ACOT11: variants seen among roughly 807,000 people sequenced by gnomAD.
ACOT11 encodes the protein acyl-coenzyme A thioesterase 11.
A neutral mutation model predicts 77.5 loss-of-function variants in ACOT11; 69 were observed. That is an observed-to-expected ratio of 0.89 (90% CI 0.73 to 1.09). The LOEUF is 1.09. Ranked by LOEUF, ACOT11 falls within the 50% of genes least tolerant of loss-of-function variation. ACOT11 has a pLI of 0.00. For missense variants in ACOT11, 766 were observed against 813.7 expected (o/e 0.94, Z 0.71); for synonymous variants, 279 against 313.0 (o/e 0.89, Z 1.15).
chr1:54,600,477 G>A (rs1380898109), intron 8 of ACOT11, among the ~76,000 whole-genome samples: 1 of 152,212 alleles, frequency 6.6e-6, no homozygotes, highest in Admixed American at 6.5e-5. Context: ...ACGGCTCGGA[G>A]TTCAAGACTA....
chr1:54,616,252 T>G (rs1569792207), intron 15 of ACOT11: 1 of 1,243,362 alleles, frequency 8.0e-7, no homozygotes, highest in East Asian at 2.4e-5. Flanking sequence ...GCATTACAAA[T>G]TACAGAACAT....
chr1:54,625,461 TG>T lies in ACOT11; in HGVS notation c.1630-5270del, dbSNP rs199928359. ...CGGACTCCAGGATCCAAATGCTAAC[TG>T]GGCCTCACCCAGATCCCTTCTGTAA... On this transcript the variant is annotated intron_variant, in intron 15 of 16. Coordinates refer to the ACOT11 transcript ENST00000371316. Among the ~76,000 whole-genome samples the T allele has an allele frequency of 9.5e-3, 1,446 of 152,270 alleles. 13 individuals carry two copies. The highest frequency in any genetic ancestry group is 0.026 in the South Asian group (127 of 4,818).
chr1:54,568,131 ACC>A (rs1653800550), intron 1 of ACOT11, among the ~76,000 whole-genome samples: 2 of 152,006 alleles, frequency 1.3e-5, no homozygotes, highest in Non-Finnish European at 2.9e-5. Flanking sequence ...CTTGTCCGCA[ACC>A]CTGCACAGTC....
intron 1 of ACOT11, among the ~76,000 whole-genome samples, chr1:54,572,590 G>T (rs1305744056): frequency 2.6e-5 from 4 of 152,204 alleles, no homozygotes; most frequent in African/African-American, 9.6e-5. Flanking sequence ...CACACGGAAA[G>T]GGCGGGTCAT....
chr1:54,610,830 C>G, downstream of ACOT11: 4 of 985,368 alleles, frequency 4.1e-6, no homozygotes, highest in Non-Finnish European at 3.6e-6. Context: ...TAGGTGGCTC[C>G]CATGGCAGGA....
chr1:54,582,567 C>T (rs12563381), intron 1 of ACOT11: 28,447 of 977,656 alleles, frequency 0.029, 650 homozygotes, highest in East Asian at 0.18. Context: ...GAACAGGAAA[C>T]GGGAGTGCAT....
Position 54,597,309 on chromosome 1 carries a change from G to A in ACOT11, c.658G>A (p.Val220Met), listed in dbSNP as rs1643899365. 6.2e-7 allele frequency: 1 copy of A among 1,613,858 alleles called. No homozygotes were observed. The highest frequency in any genetic ancestry group is 1.1e-5 in the South Asian group (1 of 91,082). Reference protein sequence around the residue: ...SRMVPAEKTRVESVELVLPPH... With the variant: ...SRMVPAEKTRMESVELVLPPH... ...CATGGTGCCGGCTGAGAAGACCCGT[G>A]TGGAGAGTGTGGAGCTGGTCCTGCC... Residue 220 changes from valine (V) to methionine (M), a missense_variant, in exon 7 of 16, where the codon GTG becomes ATG. Transcript: ENST00000343744.
chr1:54,597,515 T>C (rs1643903385), intron 7 of ACOT11, 100 bp downstream of exon 7: 2 of 1,407,752 alleles, frequency 1.4e-6, no homozygotes, highest in Admixed American at 5.0e-5. Flanking sequence ...GGGTTGGCAT[T>C]CAAGGCTTCA....
chr1:54,594,146 G>A (rs879381420), intron 5 of ACOT11, 107 bp downstream of exon 5: 24 of 968,592 alleles, frequency 2.5e-5, no homozygotes, highest in African/African-American at 3.3e-5. Context: ...AGGGGATGGG[G>A]AGGGACACAG....
At chr1:54,616,311 A>G (rs1644172741) in intron 15 of ACOT11, 1 of 757,230 alleles carries the variant, frequency 1.3e-6, no homozygotes, top group Non-Finnish European at 2.1e-6. Context: ...CCACACTTCC[A>G]TCATAGTTTC....
chr1:54,601,265 T>A lies in ACOT11; in HGVS notation c.885-4T>A, dbSNP rs1383757865. 1 of 1,609,566 alleles carries A rather than the reference T, an allele frequency of 6.2e-7. No individual in the cohort carries two copies. Among genetic ancestry groups the A allele is most frequent in the South Asian group, 1.1e-5 (1 of 91,012 alleles). ...AGGTTGGAAGCCACACTCCCTCCCC[T>A]CAGCATGGAGGTGGGCGTGTGCGTG... On this transcript the variant is annotated splice_region_variant and splice_polypyrimidine_tract_variant and intron_variant, in intron 8 of 15. Transcript: ENST00000343744.
At chr1:54,563,137 G>A (rs925293346) in intron 1 of ACOT11, among the ~76,000 whole-genome samples, 3 of 152,210 alleles carry the variant, frequency 2.0e-5, no homozygotes, top group Non-Finnish European at 1.5e-5. Context: ...CTGGCGCGGC[G>A]GCAAAGACTC....
chr1:54,603,565 T>G (rs987996313), intron 10 of ACOT11, among the ~76,000 whole-genome samples: 1 of 152,120 alleles, frequency 6.6e-6, no homozygotes, highest in South Asian at 2.1e-4. Flanking sequence ...ATTTCACAGA[T>G]GAGGACACAG....
intron 1 of ACOT11, among the ~76,000 whole-genome samples, chr1:54,570,922 ATCTGCCTGCC>A (rs1174919434): frequency 6.6e-6 from 1 of 152,086 alleles, no homozygotes; most frequent in Non-Finnish European, 1.5e-5. Context: ...GCCTCAAGTG[ATCTGCCTGCC>A]TCGGCCTCCC....
rs1471738871 is a variant in ACOT11, at chr1:54,597,294, G to T, written c.643G>T (p.Ala215Ser). ...ESRDCSRMVP[A>S]EKTRVESVEL... ...CAGAGACTGTAGCCGCATGGTGCCG[G>T]CTGAGAAGACCCGTGTGGAGAGTGT... The change falls in exon 7 of 16, where the codon GCT (alanine) becomes TCT (serine). Residue 215 changes from alanine to serine, a missense_variant. Coordinates refer to ENST00000343744, the MANE Select transcript of ACOT11 (RefSeq NM_147161.4). 1 of 1,613,610 alleles carries T rather than the reference G, an allele frequency of 6.2e-7. No individual in the cohort carries two copies. Among genetic ancestry groups the T allele is most frequent in the Non-Finnish European group, 8.5e-7 (1 of 1,180,018 alleles).
At chr1:54,634,781 G>T in exon 17 of ACOT11, 1 of 698,946 alleles carries the variant, frequency 1.4e-6, no homozygotes, top group East Asian at 2.7e-5. Flanking sequence ...GGATCCAGAG[G>T]ACCCCCTGGT....
At chr1:54,561,795 C>A (rs1653503676) in intron 1 of ACOT11, among the ~76,000 whole-genome samples, 8 of 120,276 alleles carry the variant, frequency 6.7e-5, no homozygotes, top group Admixed American at 1.5e-4. Flanking sequence ...GACCCCCCCA[C>A]CTCCCTCCCG....
chr1:54,573,308 T>G (rs3851855), intron 1 of ACOT11: 20,294 of 878,380 alleles, frequency 0.023, 387 homozygotes, highest in East Asian at 0.15. Flanking sequence ...CTTTCCTGGC[T>G]GTGTGATTTT....
chr1:54,553,160 T>G (rs995589529), intron 1 of ACOT11, among the ~76,000 whole-genome samples: 14 of 152,098 alleles, frequency 9.2e-5, no homozygotes, highest in Non-Finnish European at 2.9e-5. Context: ...ACTCTTTTTT[T>G]GCTCTCCAAA....
Sources: allele counts gnomAD v4.1 joint callset (sites outside exome capture counted in the v4.1 genomes callset), GRCh38; gene constraint gnomAD v4.1.1; transcripts MANE v1.5; gene names NCBI Gene and HGNC (gene_info 2026-07-23, HGNC 2026-07-21).